The following NEGR1 variants were observed in gnomAD, a reference collection of about 807,000 sequenced individuals.
NEGR1 encodes neuronal growth regulator 1, also known as IgLON family member 4.
In NEGR1, 10 loss-of-function variants were observed where a neutral mutation model predicts 40.9. The observed-to-expected ratio is 0.24, with a 90% CI of 0.15 to 0.42. The LOEUF (loss-of-function observed/expected upper bound fraction) is 0.42, where lower values mean the gene tolerates loss of function less well. Among genes scored for constraint, NEGR1 ranks in the 10% least tolerant of loss-of-function variants. NEGR1 has a pLI of 1.00. For missense variants in NEGR1, 352 were observed against 438.9 expected, an observed-to-expected ratio of 0.80 and a Z score of 1.77; for synonymous variants, 185 against 166.8, an observed-to-expected ratio of 1.11 and a Z score of -0.84.
intron 1 of NEGR1, among the ~76,000 whole-genome samples, chr1:71,967,596 A>G (rs1161017007): frequency 6.6e-6 from 1 of 152,238 alleles, no homozygotes; most frequent in African/African-American, 2.4e-5. Flanking sequence ...AATTATACAT[A>G]TAACAAATAA....
At chr1:72,104,684 T>C (rs1470493582) in intron 1 of NEGR1, among the ~76,000 whole-genome samples, 1 of 152,144 alleles carries the variant, frequency 6.6e-6, no homozygotes, top group African/African-American at 2.4e-5. Context: ...AATTATCACA[T>C]CCACAATTAA....
intron 1 of NEGR1, among the ~76,000 whole-genome samples, chr1:72,076,792 A>G (rs139216458): frequency 6.6e-5 from 10 of 151,952 alleles, no homozygotes; most frequent in African/African-American, 2.4e-4. Context: ...TGACTAATAC[A>G]TTATATAACA....
chr1:71,848,921 C>G (rs188624471), intron 2 of NEGR1, among the ~76,000 whole-genome samples: 73 of 152,194 alleles, frequency 4.8e-4, no homozygotes, highest in Middle Eastern at 6.8e-3. Flanking sequence ...GAACCCCCAT[C>G]TCTAATAAAA....
intron 2 of NEGR1, among the ~76,000 whole-genome samples, chr1:71,877,001 T>A (rs1660450443): frequency 6.7e-6 from 1 of 149,846 alleles, no homozygotes; most frequent in South Asian, 2.1e-4. Context: ...AAAAAAAAAA[T>A]AGCAGTAATA....
At chr1:71,416,405 C>A (rs1016492836) in intron 6 of NEGR1, among the ~76,000 whole-genome samples, 1 of 152,078 alleles carries the variant, frequency 6.6e-6, no homozygotes, top group East Asian at 1.9e-4. Flanking sequence ...AATTAATGAT[C>A]AAGAATTTCA....
chr1:71,787,385 G>A (rs980379225), intron 2 of NEGR1, among the ~76,000 whole-genome samples: 2 of 152,120 alleles, frequency 1.3e-5, no homozygotes, highest in Non-Finnish European at 2.9e-5. Context: ...AATATCTAAT[G>A]TTATGGATAA....
At chr1:72,002,901 T>A (rs1279761509) in intron 1 of NEGR1, among the ~76,000 whole-genome samples, 1 of 152,102 alleles carries the variant, frequency 6.6e-6, no homozygotes, top group African/African-American at 2.4e-5. Flanking sequence ...TAAAAATAAT[T>A]GCCGCTAATG....
intron 1 of NEGR1, among the ~76,000 whole-genome samples, chr1:71,942,457 A>C (rs577168415): frequency 3.6e-4 from 2 of 5,542 alleles, no homozygotes; most frequent in East Asian, 7.1e-3. Context: ...CTTTAAATCT[A>C]TATATATATA....
chr1:71,685,468 A>G (rs1181901351), intron 4 of NEGR1, among the ~76,000 whole-genome samples: 1 of 152,050 alleles, frequency 6.6e-6, no homozygotes, highest in African/African-American at 2.4e-5. Context: ...GATTACAGGC[A>G]TGCACCACCA....
At chr1:71,459,816 A>T (rs1164869547) in intron 6 of NEGR1, among the ~76,000 whole-genome samples, 5 of 152,184 alleles carry the variant, frequency 3.3e-5, no homozygotes, top group Non-Finnish European at 7.3e-5. Context: ...GAATTCCTTT[A>T]GTTCCTTCCC....
At chr1:71,816,356 A>G (rs1364267214) in intron 2 of NEGR1, among the ~76,000 whole-genome samples, 1 of 152,056 alleles carries the variant, frequency 6.6e-6, no homozygotes, top group Non-Finnish European at 1.5e-5. Flanking sequence ...TCATACTGCT[A>G]TGAAGAAATA....
intron 1 of NEGR1, among the ~76,000 whole-genome samples, chr1:72,230,781 A>C (rs1029965842): frequency 6.6e-6 from 1 of 152,290 alleles, no homozygotes; most frequent in South Asian, 2.1e-4. Context: ...AAACTTAATA[A>C]GCACGCTCTT....
chr1:72,120,676 A>G (rs1226553554), intron 1 of NEGR1, among the ~76,000 whole-genome samples: 3 of 151,868 alleles, frequency 2.0e-5, no homozygotes, highest in Non-Finnish European at 2.9e-5. Context: ...CCACCCCACA[A>G]CAGTCCCCAG....
intron 1 of NEGR1, among the ~76,000 whole-genome samples, chr1:72,058,621 T>A (rs906766156): frequency 4.0e-5 from 6 of 151,696 alleles, no homozygotes; most frequent in African/African-American, 1.4e-4. Flanking sequence ...CTTGATGAGC[T>A]AGGCATCTGC....
chr1:72,047,144 T>G (rs760424728), intron 1 of NEGR1, among the ~76,000 whole-genome samples: 16 of 151,496 alleles, frequency 1.1e-4, no homozygotes, highest in Admixed American at 4.0e-4. Context: ...GTTTTGTTTT[T>G]TTTTTGTGCC....
At chr1:71,849,163 G>A (rs1218388331) in intron 2 of NEGR1, among the ~76,000 whole-genome samples, 3 of 152,042 alleles carry the variant, frequency 2.0e-5, no homozygotes, top group Non-Finnish European at 4.4e-5. Flanking sequence ...TGATGGATCT[G>A]GGTAAAGTAA....
intron 6 of NEGR1, among the ~76,000 whole-genome samples, chr1:71,453,528 G>A (rs1029848756): frequency 5.9e-5 from 9 of 152,046 alleles, no homozygotes; most frequent in Non-Finnish European, 7.4e-5. Context: ...AAACAACAAC[G>A]ATTAGTCCAA....
rs553130800 is a variant in NEGR1, at chr1:72,086,978, A to T, written c.177-151667T>A. 5.9e-5 allele frequency among the ~76,000 whole-genome samples: 9 copies of T among 152,280 alleles called. No homozygotes were observed. The South Asian group carries it at 1.0e-3, about 18-fold the overall frequency. On this transcript the variant is annotated intron_variant, in intron 1 of 6. Coordinates refer to ENST00000357731, the MANE Select transcript of NEGR1 (RefSeq NM_173808.3). ...TGATTAAAAAAACACATGGTTAGAG[A>T]TTAGAAAATTTGAGTTAGAGTTATT...
intron 6 of NEGR1, among the ~76,000 whole-genome samples, chr1:71,582,698 A>C (rs973884207): frequency 6.6e-6 from 1 of 152,200 alleles, no homozygotes; most frequent in African/African-American, 2.4e-5. Context: ...ATAATATTTT[A>C]AAAAAGTAAT....
Sources: gnomAD v4.1 joint callset for allele counts (sites outside exome capture counted in the v4.1 genomes callset) on GRCh38, gnomAD v4.1.1 for gene constraint, MANE v1.5 for transcripts, NCBI Gene and HGNC (gene_info 2026-07-23, HGNC 2026-07-21) for gene names.